Variants in DCLK2 observed in about 807,000 individuals in gnomAD.
The protein encoded by DCLK2 is serine/threonine-protein kinase DCLK2.
DCLK2 carries 31 observed loss-of-function variants against 78.4 expected under a neutral mutation model. The ratio of observed to expected loss-of-function variants is 0.40; its 90% CI spans 0.30 to 0.53. DCLK2 has a LOEUF of 0.53. DCLK2 is among the 20% of genes least tolerant of loss of function. The pLI is 0.61. For missense variants in DCLK2, 872 were observed against 973.7 expected (o/e 0.90, Z 1.39); for synonymous variants, 407 against 374.9 (o/e 1.09, Z -0.99).
At chr4:150,217,547 C>G (rs1740816455) in intron 5 of DCLK2, among the ~76,000 whole-genome samples, 1 of 152,222 alleles carries the variant, frequency 6.6e-6, no homozygotes. Context: ...AGAGGTTTCA[C>G]TGAAGGTATT....
chr4:150,255,081 TAGAA>T (rs1744462919), intron 15 of DCLK2, among the ~76,000 whole-genome samples: 1 of 152,224 alleles, frequency 6.6e-6, no homozygotes, highest in South Asian at 2.1e-4. Context: ...AAGTTCATCT[TAGAA>T]AGCCCTGTTG....
intron 2 of DCLK2, among the ~76,000 whole-genome samples, chr4:150,179,294 A>G (rs1194880069): frequency 6.6e-6 from 1 of 152,080 alleles, no homozygotes; most frequent in African/African-American, 2.4e-5. Context: ...TCCCAAAGTG[A>G]TGAGATTACA....
At chr4:150,138,719 T>G (rs1733878521) in intron 2 of DCLK2, among the ~76,000 whole-genome samples, 1 of 152,024 alleles carries the variant, frequency 6.6e-6, no homozygotes, top group African/African-American at 2.4e-5. Flanking sequence ...CAGGGTGGAG[T>G]GCAGTGGCAC....
At chr4:150,086,575 C>T (rs1024310302) in intron 1 of DCLK2, among the ~76,000 whole-genome samples, 2 of 151,216 alleles carry the variant, frequency 1.3e-5, no homozygotes, top group African/African-American at 4.9e-5. Context: ...GGCGCAATCT[C>T]GGCTGACTGC....
intron 2 of DCLK2, among the ~76,000 whole-genome samples, chr4:150,171,480 CAAAAA>C (rs879938396): frequency 6.7e-6 from 1 of 148,718 alleles, no homozygotes; most frequent in Non-Finnish European, 1.5e-5. Context: ...GACTCCGTCT[CAAAAA>C]AAAAATTAAT....
At position 150,248,305 on chromosome 4, in the gene DCLK2, G is replaced by C; in HGVS notation, c.1876G>C (p.Glu626Gln). The C allele has an allele frequency of 6.2e-7, 1 of 1,613,506 alleles. No individual in the cohort carries two copies. The highest frequency in any genetic ancestry group is 8.5e-7 in the Non-Finnish European group (1 of 1,179,632). Residue 626 changes from glutamate to glutamine, a missense_variant and splice_region_variant, in exon 14 of 16, where the codon GAA becomes CAA. Coordinates refer to ENST00000296550, the MANE Select transcript of DCLK2 (RefSeq NM_001040260.4). ...YWDNITDSAK[E>Q]LISQMLQVNV... ...GTCTGACTTGTTTGTTTATTTGTAGGAATTAATCAGTCAAATGCTTCAGGT... is the reference window on the plus strand; with the variant it reads ...GTCTGACTTGTTTGTTTATTTGTAGCAATTAATCAGTCAAATGCTTCAGGT...
At chr4:150,129,450 G>A (rs1485871394) in intron 2 of DCLK2, among the ~76,000 whole-genome samples, 3 of 152,172 alleles carry the variant, frequency 2.0e-5, no homozygotes, top group South Asian at 2.1e-4. Flanking sequence ...GCCAGGCGCC[G>A]TGGCTTATGC....
intron 8 of DCLK2, among the ~76,000 whole-genome samples, chr4:150,228,950 C>T (rs369600821): frequency 3.6e-4 from 54 of 151,396 alleles, no homozygotes; most frequent in Middle Eastern, 3.4e-3. Context: ...GGCGTGAACC[C>T]GGGAAGCGGA....
At chr4:150,207,088 G>A (rs946033410) in intron 5 of DCLK2, among the ~76,000 whole-genome samples, 1 of 152,130 alleles carries the variant, frequency 6.6e-6, no homozygotes, top group Non-Finnish European at 1.5e-5. Flanking sequence ...TGAGAATGGA[G>A]GATTGTTTTT....
rs1343499463 is a variant in DCLK2, at chr4:150,256,352, C to T, written c.*105C>T. On this transcript the variant is annotated 3_prime_UTR_variant, in exon 16 of 16. Transcript: ENST00000296550. ...CAGGCCTCCCTCTCTTCACCGCCTG[C>T]GCCTGAGTTCGCGGGTCCTCCGCAG... is the stretch of plus-strand genomic sequence containing the variant. 11 of 1,407,838 alleles carry T rather than the reference C, an allele frequency of 7.8e-6. No homozygotes were observed. The highest frequency in any genetic ancestry group is 2.9e-5 in the Admixed American group (1 of 34,726). 87.2% of individuals were successfully genotyped at this position (1,407,838 alleles called of 1,614,324 possible). A position where few individuals can be genotyped will look rare whatever the true frequency, so the allele number is the denominator to read the frequency against.
chr4:150,212,891 A>C (rs1740418448), intron 5 of DCLK2, among the ~76,000 whole-genome samples: 1 of 152,154 alleles, frequency 6.6e-6, no homozygotes, highest in African/African-American at 2.4e-5. Flanking sequence ...AACTGGATGG[A>C]GTTAAAGACT....
chr4:150,239,423 C>T (rs1742739912), intron 10 of DCLK2, among the ~76,000 whole-genome samples: 1 of 152,002 alleles, frequency 6.6e-6, no homozygotes, highest in Non-Finnish European at 1.5e-5. Context: ...TATAAGGAGA[C>T]CCCGTCTCTA....
Position 150,078,892 on chromosome 4 carries a change from G to C in DCLK2, c.-136G>C. ...CCTCCGCGGCTCCTCGGCCCCACCTGCGCGGAGAGGGCGGGATGCCAGAGC... is the reference window on the plus strand; with the variant it reads ...CCTCCGCGGCTCCTCGGCCCCACCTCCGCGGAGAGGGCGGGATGCCAGAGC... On this transcript the variant is annotated 5_prime_UTR_variant, in exon 1 of 16. Transcript: ENST00000296550. 8.3e-7 allele frequency: 1 copy of C among 1,199,430 alleles called. No individual in the cohort carries two copies. Among genetic ancestry groups the C allele is most frequent in the Non-Finnish European group, 1.1e-6 (1 of 905,976 alleles). 74.3% of individuals were successfully genotyped at this position (1,199,430 alleles called of 1,614,324 possible).
intron 2 of DCLK2, among the ~76,000 whole-genome samples, chr4:150,173,517 C>T (rs1433612308): frequency 6.6e-6 from 1 of 152,140 alleles, no homozygotes; most frequent in Non-Finnish European, 1.5e-5. Flanking sequence ...TGGCAGCTCC[C>T]TCTGGTGAAG....
chr4:150,082,015 GAAAAGAAA>G (rs1729334942), intron 1 of DCLK2, among the ~76,000 whole-genome samples: 2 of 144,238 alleles, frequency 1.4e-5, no homozygotes, highest in African/African-American at 2.6e-5. Context: ...AAAAAAAAAA[GAAAAGAAA>G]AAAAGAAAAA....
chr4:150,201,027 A>G (rs1393279521), intron 4 of DCLK2, among the ~76,000 whole-genome samples: 3 of 152,082 alleles, frequency 2.0e-5, no homozygotes, highest in Non-Finnish European at 4.4e-5. Flanking sequence ...CATGTTGGCC[A>G]GGCTGGTCTC....
At chr4:150,126,957 G>T (rs969898113) in intron 2 of DCLK2, among the ~76,000 whole-genome samples, 4 of 152,112 alleles carry the variant, frequency 2.6e-5, no homozygotes, top group African/African-American at 7.2e-5. Flanking sequence ...AAGAGTTCTG[G>T]CTAGTTGCTT....
intron 2 of DCLK2, among the ~76,000 whole-genome samples, chr4:150,122,367 C>T (rs991566976): frequency 1.1e-4 from 16 of 152,120 alleles, no homozygotes; most frequent in African/African-American, 3.9e-4. Context: ...ATATGCCCGT[C>T]AATGATAGAC....
intron 14 of DCLK2, 83 bp from the exon 15 acceptor site, chr4:150,249,485 C>CG: frequency 1.8e-6 from 2 of 1,136,088 alleles, no homozygotes; most frequent in Non-Finnish European, 2.7e-6. Flanking sequence ...GTGGTTGAGG[C>CG]GGGGAGGGGG....
Sources: gnomAD v4.1 joint callset for allele counts (sites outside exome capture counted in the v4.1 genomes callset) on GRCh38, gnomAD v4.1.1 for gene constraint, MANE v1.5 for transcripts, NCBI Gene and HGNC (gene_info 2026-07-23, HGNC 2026-07-21) for gene names.